Variants in NXPH1 observed in about 807,000 individuals in gnomAD.
The protein encoded by NXPH1 is neurexophilin 1.
Under a neutral mutation model 23.7 loss-of-function variants are expected in NXPH1, and 5 were observed. The observed-to-expected ratio is 0.21, with a 90% confidence interval of 0.11 to 0.44. NXPH1 has a LOEUF of 0.44. Among genes scored for constraint, NXPH1 ranks in the 20% least tolerant of loss-of-function variants. The probability of loss-of-function intolerance (pLI) is 0.99; values close to 1 mark genes in which losing one functional copy is unlikely to be tolerated. For missense variants in NXPH1, 324 were observed against 321.6 expected (o/e 1.01, Z -0.06); for synonymous variants, 144 against 122.2 (o/e 1.18, Z -1.18).
intron 2 of NXPH1, among the ~76,000 whole-genome samples, chr7:8,546,648 C>G (rs1036287833): frequency 6.6e-6 from 1 of 151,384 alleles, no homozygotes; most frequent in East Asian, 2.0e-4. Context: ...AACCTAAACA[C>G]TGTTAGGACA....
At chr7:8,659,357 C>G (rs1294634170) in intron 2 of NXPH1, among the ~76,000 whole-genome samples, 1 of 152,138 alleles carries the variant, frequency 6.6e-6, no homozygotes, top group Non-Finnish European at 1.5e-5. Context: ...TTTCTTTAAT[C>G]AAGGCTTTTA....
rs1031338157 is a variant in NXPH1 at position 8,695,917 on chromosome 7, C to T, written c.55-55091C>T. 4.6e-5 allele frequency among the ~76,000 whole-genome samples: 7 copies of T among 152,076 alleles called. No individual in the cohort carries two copies. In the East Asian group the frequency reaches 1.3e-3, roughly 29 times the overall value. ...TCATTGTATTGTTTCTTAATTTCTT[C>T]TTTTTAAAAATATTGATGTACTCCT... On this transcript the variant is annotated intron_variant, in intron 2 of 2. Coordinates refer to ENST00000405863, the MANE Select transcript of NXPH1 (RefSeq NM_152745.3).
At chr7:8,476,154 TCTTCCATTTTAAAGACTTAATTAC>T (rs1442413597) in intron 2 of NXPH1, among the ~76,000 whole-genome samples, 5 of 152,138 alleles carry the variant, frequency 3.3e-5, no homozygotes, top group Non-Finnish European at 2.9e-5. Context: ...TATTTATGGA[TCTTCCATTTTAAAGACTTAATTAC>T]CTTTCCCTAT....
At chr7:8,654,951 A>T (rs1753456768) in intron 2 of NXPH1, among the ~76,000 whole-genome samples, 1 of 152,176 alleles carries the variant, frequency 6.6e-6, no homozygotes, top group Non-Finnish European at 1.5e-5. Context: ...GTGTGTGTAT[A>T]TGGAAAATCA....
At chr7:8,668,395 A>G (rs1820813724) in intron 2 of NXPH1, among the ~76,000 whole-genome samples, 1 of 152,030 alleles carries the variant, frequency 6.6e-6, no homozygotes, top group African/African-American at 2.4e-5. Flanking sequence ...CAGAGATTCT[A>G]GGCAGGCCAT....
chr7:8,455,756 C>T (rs1816583675), intron 2 of NXPH1, among the ~76,000 whole-genome samples: 1 of 152,204 alleles, frequency 6.6e-6, no homozygotes, highest in Non-Finnish European at 1.5e-5. Flanking sequence ...AAAAGGGTTT[C>T]AGCCAATATT....
rs569393927 is a variant in NXPH1 at position 8,718,256 on chromosome 7, C to T, written c.55-32752C>T. Among the ~76,000 whole-genome samples, 5 of 152,252 alleles carry T rather than the reference C, an allele frequency of 3.3e-5. No individual in the cohort carries two copies. The South Asian group carries it at 1.0e-3, about 32-fold the overall frequency. On this transcript the variant is annotated intron_variant, in intron 2 of 2. Transcript: ENST00000405863. ...AAAACATAGTTATGTGGCCTTCTAG[C>T]TCAGCTGTAATTGCATTTAAAATTC...
At chr7:8,742,995 A>C (rs979995111) in intron 2 of NXPH1, among the ~76,000 whole-genome samples, 1 of 152,068 alleles carries the variant, frequency 6.6e-6, no homozygotes, top group African/African-American at 2.4e-5. Context: ...AATGTAATAC[A>C]ATGCCATATG....
intron 2 of NXPH1, among the ~76,000 whole-genome samples, chr7:8,731,848 T>C (rs1364105544): frequency 2.0e-5 from 3 of 152,252 alleles, no homozygotes; most frequent in African/African-American, 7.2e-5. Flanking sequence ...GCAGGCCTCC[T>C]TGAGCTGTGG....
intron 2 of NXPH1, among the ~76,000 whole-genome samples, chr7:8,684,951 G>T (rs1045771138): frequency 2.6e-5 from 4 of 152,050 alleles, no homozygotes; most frequent in Non-Finnish European, 5.9e-5. Context: ...GCTCAAATTC[G>T]CCATGTTGCA....
At chr7:8,713,504 A>G (rs973874008) in intron 2 of NXPH1, among the ~76,000 whole-genome samples, 3 of 143,904 alleles carry the variant, frequency 2.1e-5, no homozygotes, top group African/African-American at 8.3e-5. Context: ...TGATGCTTGC[A>G]GATTTTTTTT....
chr7:8,574,614 G>C lies in NXPH1; in HGVS notation c.54+138847G>C, dbSNP rs115658530. Reference sequence around the variant, plus strand: ...AACAACACCACAGGTTGTTTTCCTGGTGTCTGCATCACATGTACTTAGTGG... The same window carrying C: ...AACAACACCACAGGTTGTTTTCCTGCTGTCTGCATCACATGTACTTAGTGG... On this transcript the variant is annotated intron_variant, in intron 2 of 2. Coordinates refer to ENST00000405863, the MANE Select transcript of NXPH1 (RefSeq NM_152745.3). Among the ~76,000 whole-genome samples the C allele has an allele frequency of 4.8e-3, 735 of 152,238 alleles. 8 individuals carry two copies. Among genetic ancestry groups the C allele is most frequent in the African/African-American group, 0.017 (691 of 41,536 alleles).
At chr7:8,667,574 A>C (rs1432252708) in intron 2 of NXPH1, among the ~76,000 whole-genome samples, 5 of 151,542 alleles carry the variant, frequency 3.3e-5, no homozygotes, top group Non-Finnish European at 1.5e-5. Context: ...TGGAACTCTC[A>C]TATATGTGAT....
intron 2 of NXPH1, among the ~76,000 whole-genome samples, chr7:8,578,193 A>G (rs1818791103): frequency 1.3e-5 from 2 of 152,216 alleles, no homozygotes; most frequent in South Asian, 4.1e-4. Context: ...GGAGGGTAGC[A>G]TGGAGCTACT....
chr7:8,655,436 C>CTG (rs1820561535), intron 2 of NXPH1, among the ~76,000 whole-genome samples: 1 of 144,044 alleles, frequency 6.9e-6, no homozygotes, highest in African/African-American at 2.6e-5. Flanking sequence ...CTCTCTCTCT[C>CTG]TCTCTCTCTC....
chr7:8,517,118 T>C (rs927528662), intron 2 of NXPH1, among the ~76,000 whole-genome samples: 1 of 152,048 alleles, frequency 6.6e-6, no homozygotes, highest in Non-Finnish European at 1.5e-5. Flanking sequence ...GTAAAGAAGA[T>C]AGATGTAGCA....
chr7:8,452,642 T>C (rs1816526895), intron 2 of NXPH1, among the ~76,000 whole-genome samples: 1 of 152,120 alleles, frequency 6.6e-6, no homozygotes, highest in Non-Finnish European at 1.5e-5. Context: ...TTTAGGTATG[T>C]GGTGGAAAGA....
At chr7:8,485,894 A>G (rs1032463875) in intron 2 of NXPH1, among the ~76,000 whole-genome samples, 1 of 152,188 alleles carries the variant, frequency 6.6e-6, no homozygotes, top group Admixed American at 6.5e-5. Context: ...AAATTAGAAC[A>G]GCAGCTGCCA....
chr7:8,570,148 C>A (rs1463313289), intron 2 of NXPH1, among the ~76,000 whole-genome samples: 1 of 151,858 alleles, frequency 6.6e-6, no homozygotes, highest in Non-Finnish European at 1.5e-5. Context: ...CACTTCTCCC[C>A]ATGAATGGTT....
Sources: allele counts gnomAD v4.1 joint callset (sites outside exome capture counted in the v4.1 genomes callset), GRCh38; gene constraint gnomAD v4.1.1; transcripts MANE v1.5; gene names NCBI Gene and HGNC (gene_info 2026-07-23, HGNC 2026-07-21).